The following NAALADL2 variants were observed in gnomAD, a reference collection of about 807,000 sequenced individuals.
NAALADL2 encodes N-acetylated alpha-linked acidic dipeptidase like 2.
In NAALADL2, 76 loss-of-function variants were observed where a neutral mutation model predicts 87.2. The observed-to-expected ratio is 0.87, with a 90% confidence interval of 0.72 to 1.05. NAALADL2 has a LOEUF of 1.05. Ranked by LOEUF, NAALADL2 falls within the 50% of genes least tolerant of loss-of-function variation. The pLI, the probability that NAALADL2 is intolerant of heterozygous loss-of-function variation, is 0.00. For synonymous variants in NAALADL2, 354 were observed against 331.0 expected, an observed-to-expected ratio of 1.07 and a Z score of -0.75; for missense variants, 1,089 against 945.8, an observed-to-expected ratio of 1.15 and a Z score of -1.99.
intron 1 of NAALADL2, among the ~76,000 whole-genome samples, chr3:174,445,666 G>A (rs905800557): frequency 5.9e-5 from 9 of 152,046 alleles, no homozygotes; most frequent in African/African-American, 9.7e-5. Flanking sequence ...CACATATGAT[G>A]TAACTATAAA....
At chr3:175,788,581 G>A (rs187202471) in intron 13 of NAALADL2, among the ~76,000 whole-genome samples, 16 of 152,216 alleles carry the variant, frequency 1.1e-4, no homozygotes, top group East Asian at 9.6e-4. Flanking sequence ...AGGCTACACC[G>A]TCTATGTTTG....
chr3:175,744,992 A>G (rs923892630), intron 12 of NAALADL2, among the ~76,000 whole-genome samples: 1 of 152,148 alleles, frequency 6.6e-6, no homozygotes. Flanking sequence ...GAACCAGAAA[A>G]TACTGTTTCT....
At chr3:175,057,271 G>A (rs1324176548) in intron 1 of NAALADL2, among the ~76,000 whole-genome samples, 3 of 152,062 alleles carry the variant, frequency 2.0e-5, no homozygotes, top group East Asian at 1.9e-4. Flanking sequence ...TTTCAGTCAC[G>A]ATCAACCTGA....
At chr3:174,818,853 A>T (rs1721082827) in intron 3 of NAALADL2, among the ~76,000 whole-genome samples, 1 of 151,928 alleles carries the variant, frequency 6.6e-6, no homozygotes, top group Non-Finnish European at 1.5e-5. Flanking sequence ...AAAGGGAGGG[A>T]GTGGGGGCTT....
intron 2 of NAALADL2, among the ~76,000 whole-genome samples, chr3:174,657,001 T>G (rs1326206478): frequency 6.6e-6 from 1 of 151,540 alleles, no homozygotes; most frequent in Non-Finnish European, 1.5e-5. Flanking sequence ...CTTCCTTCCT[T>G]TTTTCCTTCC....
At chr3:175,561,850 G>A (rs1026539221) in intron 9 of NAALADL2, among the ~76,000 whole-genome samples, 4 of 152,052 alleles carry the variant, frequency 2.6e-5, no homozygotes, top group Non-Finnish European at 4.4e-5. Context: ...AATCACACAG[G>A]GTATCTTTTT....
At chr3:175,162,115 C>T (rs1733316634) in intron 2 of NAALADL2, among the ~76,000 whole-genome samples, 1 of 152,120 alleles carries the variant, frequency 6.6e-6, no homozygotes, top group Non-Finnish European at 1.5e-5. Flanking sequence ...AGGTCATAAT[C>T]TTCAAACAGA....
chr3:175,493,321 A>G (rs141478754), intron 9 of NAALADL2, among the ~76,000 whole-genome samples: 2 of 152,276 alleles, frequency 1.3e-5, no homozygotes, highest in East Asian at 3.9e-4. Context: ...GCGTTTGTAT[A>G]ATTTGGATTT....
intron 10 of NAALADL2, among the ~76,000 whole-genome samples, chr3:175,600,788 C>T (rs1188621331): frequency 2.6e-5 from 4 of 152,094 alleles, no homozygotes; most frequent in East Asian, 3.9e-4. Context: ...CCGCCCGCCT[C>T]GGCCTCCCAA....
chr3:174,996,496 CAAA>C (rs544719815), intron 1 of NAALADL2, among the ~76,000 whole-genome samples: 2 of 134,806 alleles, frequency 1.5e-5, no homozygotes. Context: ...GACTCTGTCT[CAAA>C]AAAAAAAAAA....
chr3:175,023,915 A>T (rs1751887825), intron 1 of NAALADL2, among the ~76,000 whole-genome samples: 1 of 152,056 alleles, frequency 6.6e-6, no homozygotes, highest in Non-Finnish European at 1.5e-5. Context: ...AGTGTTAGAT[A>T]TATAATGGTT....
intron 2 of NAALADL2, among the ~76,000 whole-genome samples, chr3:175,101,580 A>G (rs938639791): frequency 3.9e-5 from 6 of 152,244 alleles, no homozygotes; most frequent in Admixed American, 1.3e-4. Context: ...TTTGCCATCG[A>G]AAGTAATGGC....
intron 11 of NAALADL2, among the ~76,000 whole-genome samples, chr3:175,668,118 G>A (rs1733457801): frequency 6.6e-6 from 1 of 152,154 alleles, no homozygotes; most frequent in South Asian, 2.1e-4. Context: ...TAGGCAATAT[G>A]TGACCTCTCG....
intron 13 of NAALADL2, among the ~76,000 whole-genome samples, chr3:175,777,269 C>T (rs1750372489): frequency 6.6e-6 from 1 of 151,568 alleles, no homozygotes; most frequent in Admixed American, 6.6e-5. Flanking sequence ...AAATTAAAAC[C>T]CTTTCGATAA....
At chr3:174,747,054 C>T (rs1274412291) in intron 3 of NAALADL2, among the ~76,000 whole-genome samples, 1 of 152,052 alleles carries the variant, frequency 6.6e-6, no homozygotes, top group Non-Finnish European at 1.5e-5. Context: ...AAAGCAATTG[C>T]AACAAAAGCA....
chr3:174,825,775 C>A (rs1721910019), intron 3 of NAALADL2, among the ~76,000 whole-genome samples: 1 of 152,154 alleles, frequency 6.6e-6, no homozygotes, highest in South Asian at 2.1e-4. Flanking sequence ...CACCTGTAAT[C>A]CCAGCACTTT....
At chr3:175,056,107 CT>C (rs960621765) in intron 1 of NAALADL2, among the ~76,000 whole-genome samples, 1 of 152,072 alleles carries the variant, frequency 6.6e-6, no homozygotes, top group African/African-American at 2.4e-5. Context: ...GAGGCAACTA[CT>C]TTTTGCCCAG....
At chr3:174,962,624 C>T (rs891577996) in intron 1 of NAALADL2, among the ~76,000 whole-genome samples, 5 of 151,558 alleles carry the variant, frequency 3.3e-5, no homozygotes, top group Middle Eastern at 3.4e-3. Context: ...AGAAGGGTAC[C>T]GAGGACGGAC....
chr3:174,668,825 T>A (rs1726230115), intron 2 of NAALADL2, among the ~76,000 whole-genome samples: 1 of 152,244 alleles, frequency 6.6e-6, no homozygotes, highest in Admixed American at 6.5e-5. Context: ...CTGTCATTGT[T>A]GGACATTTGG....
Sources: gnomAD v4.1 joint callset for allele counts (sites outside exome capture counted in the v4.1 genomes callset) on GRCh38, gnomAD v4.1.1 for gene constraint, MANE v1.5 for transcripts, NCBI Gene and HGNC (gene_info 2026-07-23, HGNC 2026-07-21) for gene names.